Variants in STXBP5L observed in about 807,000 individuals in gnomAD.
The protein encoded by STXBP5L is syntaxin-binding protein 5-like.
STXBP5L carries 65 observed loss-of-function variants against 144.5 expected under a neutral mutation model. The observed-to-expected ratio is 0.45, with a 90% CI of 0.37 to 0.55. The LOEUF is 0.55. STXBP5L is among the 20% of genes least tolerant of loss of function. STXBP5L has a pLI of 0.00. For synonymous variants in STXBP5L, 505 were observed against 469.6 expected (o/e 1.08, Z -0.97); for missense variants, 1,298 against 1,405.5 (o/e 0.92, Z 1.22).
chr3:121,382,037 G>A (rs1330103454), intron 22 of STXBP5L, among the ~76,000 whole-genome samples: 1 of 151,954 alleles, frequency 6.6e-6, no homozygotes, highest in Non-Finnish European at 1.5e-5. Flanking sequence ...AGTGCCTAGA[G>A]AATTTGACCA....
At chr3:121,295,037 AAGGGGTGCTGAAAAAT>A (rs1482740013) in intron 19 of STXBP5L, among the ~76,000 whole-genome samples, 1 of 152,184 alleles carries the variant, frequency 6.6e-6, no homozygotes, top group Admixed American at 6.5e-5. Flanking sequence ...TTTGGTTATG[AAGGGGTGCTGAAAAAT>A]AGATTAATAC....
chr3:121,406,792 G>C (rs2047002287), intron 22 of STXBP5L, among the ~76,000 whole-genome samples: 1 of 151,914 alleles, frequency 6.6e-6, no homozygotes, highest in Admixed American at 6.6e-5. Flanking sequence ...AAATAAGATT[G>C]TGTGATTATT....
chr3:121,202,192 A>T (rs1275672012), intron 9 of STXBP5L, among the ~76,000 whole-genome samples: 1 of 152,210 alleles, frequency 6.6e-6, no homozygotes, highest in Non-Finnish European at 1.5e-5. Flanking sequence ...TGTTGACAAA[A>T]AATGTAGATC....
chr3:121,392,770 CAT>C (rs71133531), intron 22 of STXBP5L, among the ~76,000 whole-genome samples: 8,782 of 111,706 alleles, frequency 0.079, 308 homozygotes, highest in Admixed American at 0.15. Context: ...TATTTCATGG[CAT>C]ATATATATAT....
At chr3:121,133,573 GACAA>G (rs1466737367) in intron 7 of STXBP5L, among the ~76,000 whole-genome samples, 2 of 152,084 alleles carry the variant, frequency 1.3e-5, no homozygotes, top group East Asian at 3.9e-4. Flanking sequence ...ACCTTTCCCA[GACAA>G]ACAAAAGCTC....
intron 7 of STXBP5L, among the ~76,000 whole-genome samples, chr3:121,141,417 T>G (rs2045499277): frequency 6.6e-6 from 1 of 150,942 alleles, no homozygotes. Flanking sequence ...AAAAAAAATG[T>G]GTAAAACTTA....
At position 121,130,927 on chromosome 3, in the gene STXBP5L, A is replaced by T. The variant is rs141467822; in HGVS notation, c.669+9223A>T. ...ATCAAAAACAATTTGTAGTCTTTAA[A>T]TCATATATCAATAGAATTATAAATT... is the stretch of plus-strand genomic sequence containing the variant. On this transcript the variant is annotated intron_variant, in intron 7 of 26. Transcript: ENST00000471454. Among the ~76,000 whole-genome samples the T allele has an allele frequency of 7.7e-3, 1,172 of 152,210 alleles. 11 individuals carry two copies. Among genetic ancestry groups the T allele is most frequent in the Non-Finnish European group, 0.011 (715 of 67,992 alleles).
chr3:120,925,800 A>G (rs577434731), intron 2 of STXBP5L, among the ~76,000 whole-genome samples: 214 of 152,178 alleles, frequency 1.4e-3, no homozygotes, highest in South Asian at 1.9e-3. Flanking sequence ...TTTTATTTTT[A>G]GTGAAGCTAC....
intron 5 of STXBP5L, among the ~76,000 whole-genome samples, chr3:121,086,937 G>T (rs912319051): frequency 1.3e-5 from 2 of 151,996 alleles, no homozygotes; most frequent in Non-Finnish European, 2.9e-5. Flanking sequence ...ATTGTTAAGT[G>T]ATGCATGACT....
intron 2 of STXBP5L, among the ~76,000 whole-genome samples, chr3:120,917,756 T>A (rs551124191): frequency 9.2e-5 from 14 of 152,188 alleles, no homozygotes; most frequent in Non-Finnish European, 1.8e-4. Context: ...TAATTTGGAA[T>A]TTTTCTCCTT....
Position 120,937,901 on chromosome 3 carries a change from G to A in STXBP5L, c.190-17039G>A, listed in dbSNP as rs571490242. On this transcript the variant is annotated intron_variant, in intron 2 of 26. Coordinates refer to ENST00000471454, the MANE Select transcript of STXBP5L (RefSeq NM_001308330.2). The stretch of plus-strand genomic sequence containing the variant: ...CTGATTTTGATACACAATAATAGGG[G>A]CATAAGTTTAACCTTTTAATTATAT... Among the ~76,000 whole-genome samples the A allele has an allele frequency of 2.0e-5, 3 of 152,110 alleles. No individual in the cohort carries two copies. In the East Asian group the frequency reaches 5.8e-4, roughly 29 times the overall value.
intron 10 of STXBP5L, among the ~76,000 whole-genome samples, 195 bp from the exon 11 acceptor site, chr3:121,222,808 T>G (rs112855366): frequency 0.013 from 2,031 of 152,278 alleles, 45 homozygotes; most frequent in African/African-American, 0.046. Flanking sequence ...AAATTTAATG[T>G]GAGAATGTAC....
chr3:121,311,625 C>G (rs2043532562), intron 19 of STXBP5L, among the ~76,000 whole-genome samples: 1 of 152,090 alleles, frequency 6.6e-6, no homozygotes, highest in African/African-American at 2.4e-5. Flanking sequence ...CTTAGGAATC[C>G]AACTTACAAG....
chr3:121,124,868 C>A (rs1173989545), intron 7 of STXBP5L, among the ~76,000 whole-genome samples: 4 of 152,024 alleles, frequency 2.6e-5, no homozygotes, highest in Non-Finnish European at 5.9e-5. Flanking sequence ...ACGATTTCAG[C>A]ATTAAGTAAA....
intron 3 of STXBP5L, among the ~76,000 whole-genome samples, chr3:121,014,447 G>A (rs1560002314): frequency 6.6e-6 from 1 of 151,862 alleles, no homozygotes; most frequent in Non-Finnish European, 1.5e-5. Context: ...ATTTCCTTCA[G>A]CATAATGATT....
chr3:120,930,744 C>T (rs1709888787), intron 2 of STXBP5L, among the ~76,000 whole-genome samples: 2 of 152,140 alleles, frequency 1.3e-5, no homozygotes, highest in South Asian at 4.1e-4. Context: ...CTTCCCTCTT[C>T]CACTGAATGT....
At chr3:121,250,621 A>T in intron 14 of STXBP5L, 102 bp from the exon 15 acceptor site, 2 of 953,860 alleles carry the variant, frequency 2.1e-6, no homozygotes, top group Admixed American at 2.6e-5. Context: ...GGTATTTTTG[A>T]ATCAAAATTG....
rs374154580 is a variant in STXBP5L, at chr3:120,938,626, T to A, written c.190-16314T>A. ...ATAATTCTTTTGAAAGCCATTTTTG[T>A]CTCTGGTCTTAAATTCATATAGGGC... is the stretch of plus-strand genomic sequence containing the variant. On this transcript the variant is annotated intron_variant, in intron 2 of 26. Transcript: ENST00000471454. Among the ~76,000 whole-genome samples the A allele has an allele frequency of 1.1e-3, 174 of 152,306 alleles. 1 individual carries two copies. In the South Asian group the frequency reaches 0.012, roughly 11 times the overall value.
intron 3 of STXBP5L, among the ~76,000 whole-genome samples, chr3:120,986,663 G>T (rs1942314935): frequency 6.6e-6 from 1 of 151,830 alleles, no homozygotes; most frequent in African/African-American, 2.4e-5. Context: ...AGACACACCT[G>T]TTCTGATAAC....
Sources: gnomAD v4.1 joint callset for allele counts (sites outside exome capture counted in the v4.1 genomes callset) on GRCh38, gnomAD v4.1.1 for gene constraint, MANE v1.5 for transcripts, NCBI Gene and HGNC (gene_info 2026-07-23, HGNC 2026-07-21) for gene names.